Variants in ADCY2 observed in about 807,000 individuals in gnomAD.
ADCY2 encodes the protein adenylate cyclase type 2.
ADCY2 carries 31 observed loss-of-function variants against 125.2 expected under a neutral mutation model. The observed-to-expected ratio is 0.25, with a 90% CI of 0.19 to 0.33. The LOEUF is 0.33. Among genes scored for constraint, ADCY2 ranks in the 10% least tolerant of loss-of-function variants. The probability of loss-of-function intolerance (pLI) is 1.00; values close to 1 mark genes in which losing one functional copy is unlikely to be tolerated. For missense variants in ADCY2, 904 were observed against 1,418.2 expected, an observed-to-expected ratio of 0.64 and a Z score of 5.82; for synonymous variants, 512 against 548.4, an observed-to-expected ratio of 0.93 and a Z score of 0.93.
chr5:7,789,826 G>T, intron 20 of ADCY2, 26 bp downstream of exon 20: 4 of 1,462,174 alleles, frequency 2.7e-6, no homozygotes, highest in Admixed American at 5.1e-5. Flanking sequence ...CTGGGGGCTG[G>T]GGGAGGGGGC....
chr5:7,803,920 TTA>T (rs1180073894), intron 21 of ADCY2, among the ~76,000 whole-genome samples: 1 of 148,404 alleles, frequency 6.7e-6, no homozygotes, highest in Non-Finnish European at 1.5e-5. Context: ...ATATATATTT[TTA>T]TATATATGTG....
intron 2 of ADCY2, among the ~76,000 whole-genome samples, chr5:7,445,290 T>C (rs1400671366): frequency 6.6e-6 from 1 of 152,198 alleles, no homozygotes; most frequent in Non-Finnish European, 1.5e-5. Flanking sequence ...TCTTTATCTA[T>C]GTGGCTACCC....
At chr5:7,695,069 T>C (rs1314291135) in intron 5 of ADCY2, among the ~76,000 whole-genome samples, 1 of 152,246 alleles carries the variant, frequency 6.6e-6, no homozygotes, top group Non-Finnish European at 1.5e-5. Context: ...TCATAAGACC[T>C]TGATACAAAT....
chr5:7,490,416 A>G (rs141249301), intron 2 of ADCY2, among the ~76,000 whole-genome samples: 1 of 152,304 alleles, frequency 6.6e-6, no homozygotes, highest in Non-Finnish European at 1.5e-5. Context: ...ATGCATGAAC[A>G]GAGATATGCC....
Position 7,517,391 on chromosome 5 carries a change from A to G in ADCY2, c.409-3347A>G, listed in dbSNP as rs1172116906. 2.6e-5 allele frequency among the ~76,000 whole-genome samples: 4 copies of G among 152,202 alleles called. No individual in the cohort carries two copies. The East Asian group carries it at 7.7e-4, about 29-fold the overall frequency. On this transcript the variant is annotated intron_variant, in intron 2 of 24. Transcript: ENST00000338316. ...GGAGCTTTTTACCCACACATTCTTT[A>G]CATGTGCCAAATCCATTTTAGTTTT...
intron 3 of ADCY2, among the ~76,000 whole-genome samples, chr5:7,557,386 A>C (rs11955250): frequency 0.081 from 12,343 of 152,032 alleles, 718 homozygotes; most frequent in Non-Finnish European, 0.12. Flanking sequence ...TTTAGCTTTT[A>C]TTTTAAGTTC....
chr5:7,775,398 T>A lies in ADCY2; in HGVS notation c.2384+2297T>A, dbSNP rs559725431. Among the ~76,000 whole-genome samples the A allele has an allele frequency of 5.3e-5, 8 of 151,456 alleles. No individual in the cohort carries two copies. In the East Asian group the frequency reaches 1.4e-3, roughly 26 times the overall value. On this transcript the variant is annotated intron_variant, in intron 18 of 24. Transcript: ENST00000338316. ...GCCTGGCCTCTTTTAGTTTTGATTG[T>A]TTGTTTGTTTGAGATGGAGTCTCAC...
chr5:7,791,949 G>A (rs899300992), intron 20 of ADCY2, among the ~76,000 whole-genome samples: 1 of 152,002 alleles, frequency 6.6e-6, no homozygotes. Context: ...ACGGGGGCCA[G>A]GGGGAGAGAG....
At chr5:7,783,463 T>G (rs1309849501) in intron 18 of ADCY2, among the ~76,000 whole-genome samples, 1 of 152,030 alleles carries the variant, frequency 6.6e-6, no homozygotes, top group East Asian at 1.9e-4. Flanking sequence ...AAAGCCCACC[T>G]GGGCTTTTAA....
At chr5:7,518,861 T>C (rs1744344247) in intron 2 of ADCY2, among the ~76,000 whole-genome samples, 1 of 152,200 alleles carries the variant, frequency 6.6e-6, no homozygotes, top group African/African-American at 2.4e-5. Flanking sequence ...GCTGCATGTA[T>C]GACCATCTCT....
intron 17 of ADCY2, among the ~76,000 whole-genome samples, chr5:7,768,394 A>G (rs556599298): frequency 6.6e-6 from 1 of 152,256 alleles, no homozygotes; most frequent in Admixed American, 6.5e-5. Flanking sequence ...TTCCTCCTTG[A>G]TCCAATGGCG....
At chr5:7,644,076 A>G (rs1200606532) in intron 4 of ADCY2, among the ~76,000 whole-genome samples, 1 of 152,026 alleles carries the variant, frequency 6.6e-6, no homozygotes, top group Non-Finnish European at 1.5e-5. Context: ...AAAAAGTTAT[A>G]TTTTCTTAAA....
At chr5:7,460,584 G>T (rs943511436) in intron 2 of ADCY2, among the ~76,000 whole-genome samples, 4 of 152,182 alleles carry the variant, frequency 2.6e-5, no homozygotes, top group Admixed American at 1.3e-4. Flanking sequence ...TTCAGTAGCC[G>T]TGGTTGGTGT....
chr5:7,781,672 T>C (rs942797110), intron 18 of ADCY2, among the ~76,000 whole-genome samples: 21 of 152,214 alleles, frequency 1.4e-4, no homozygotes, highest in Non-Finnish European at 2.9e-5. Context: ...ATTTGTGTTA[T>C]TTTAAGTCAC....
At chr5:7,404,350 C>T (rs2111446058) in intron 1 of ADCY2, among the ~76,000 whole-genome samples, 1 of 152,206 alleles carries the variant, frequency 6.6e-6, no homozygotes, top group Middle Eastern at 3.4e-3. Context: ...TTATTATCTC[C>T]TGTTACGTCA....
At chr5:7,775,917 T>A (rs1335254674) in intron 18 of ADCY2, among the ~76,000 whole-genome samples, 1 of 152,080 alleles carries the variant, frequency 6.6e-6, no homozygotes, top group Non-Finnish European at 1.5e-5. Flanking sequence ...TACCTCAAAA[T>A]CAATGAATAT....
At position 7,805,457 on chromosome 5, in the gene ADCY2, T is replaced by TGTGA. The variant is rs538132304; in HGVS notation, c.2883+766_2883+767insTGAG. Among the ~76,000 whole-genome samples, 33 of 150,668 alleles carry TGTGA rather than the reference T, an allele frequency of 2.2e-4. 1 individual carries two copies. Among genetic ancestry groups the TGTGA allele is most frequent in the African/African-American group, 7.5e-4 (31 of 41,192 alleles). On this transcript the variant is annotated intron_variant, in intron 22 of 24. Transcript: ENST00000338316. The stretch of plus-strand genomic sequence containing the variant: ...CGAGATTTTCTCGTGTGTGTGTGTG[T>TGTGA]GAGAGAGAGAGAGAGAGAGACAGCA...
chr5:7,415,051 G>A (rs1455304954), intron 2 of ADCY2, among the ~76,000 whole-genome samples: 1 of 152,152 alleles, frequency 6.6e-6, no homozygotes, highest in African/African-American at 2.4e-5. Flanking sequence ...ATATGTGTGT[G>A]TGTATAATTG....
chr5:7,819,456 A>G (rs6883729), intron 23 of ADCY2, among the ~76,000 whole-genome samples: 8,363 of 152,230 alleles, frequency 0.055, 597 homozygotes, highest in African/African-American at 0.17. Context: ...TCTAGACTTC[A>G]GTGATATTGT....
Sources: allele counts gnomAD v4.1 joint callset (sites outside exome capture counted in the v4.1 genomes callset), GRCh38; gene constraint gnomAD v4.1.1; transcripts MANE v1.5; gene names NCBI Gene and HGNC (gene_info 2026-07-23, HGNC 2026-07-21).